The following PABPC1L variants were observed in gnomAD, a reference collection of about 807,000 sequenced individuals.
PABPC1L encodes polyadenylate-binding protein 1-like.
A neutral mutation model predicts 66.6 loss-of-function variants in PABPC1L; 31 were observed. The observed-to-expected ratio is 0.47, with a 90% CI of 0.35 to 0.63. The LOEUF (loss-of-function observed/expected upper bound fraction) is 0.63, where lower values mean the gene tolerates loss of function less well. Ranked by LOEUF, PABPC1L falls within the 20% of genes least tolerant of loss-of-function variation. PABPC1L has a pLI of 0.00. For missense variants in PABPC1L, 722 were observed against 848.8 expected, an observed-to-expected ratio of 0.85 and a Z score of 1.86; for synonymous variants, 348 against 335.1, an observed-to-expected ratio of 1.04 and a Z score of -0.42.
rs750674675 is a variant in PABPC1L at position 44,938,754 on chromosome 20, T to C, written c.*6+6T>C. On this transcript the variant is annotated splice_donor_region_variant and intron_variant, in intron 14 of 14. Coordinates refer to ENST00000217073, the MANE Select transcript of PABPC1L (RefSeq NM_001372179.1). ...CGTACATGCACTGAAACCAGGTGGG[T>C]GGAATGGTGACAGAAGCAGCTGAGC... is the stretch of plus-strand genomic sequence containing the variant. The C allele has an allele frequency of 6.2e-7, 1 of 1,608,372 alleles. No individual in the cohort carries two copies. The highest frequency in any genetic ancestry group is 8.5e-7 in the Non-Finnish European group (1 of 1,177,622).
chr20:44,935,909 A>G (rs1054329526), intron 11 of PABPC1L, among the ~76,000 whole-genome samples: 2 of 152,178 alleles, frequency 1.3e-5, no homozygotes, highest in Non-Finnish European at 2.9e-5. Flanking sequence ...GTAGAATTTC[A>G]ATGTGTCTCT....
chr20:44,924,399 C>A (rs535501266), intron 7 of PABPC1L, 143 bp downstream of exon 7: 3 of 624,660 alleles, frequency 4.8e-6, no homozygotes, highest in Non-Finnish European at 8.4e-6. Context: ...CTCTGCTGAC[C>A]CCGTTGGAGC....
chr20:44,928,864 C>CAAAAAAAAAAA (rs10597679), intron 7 of PABPC1L, among the ~76,000 whole-genome samples: 432 of 54,300 alleles, frequency 8.0e-3, no homozygotes, highest in East Asian at 9.3e-3. Context: ...GATCCTGACT[C>CAAAAAAAAAAA]AAAAAAAAAA....
chr20:44,933,444 T>TG (rs2066877361), intron 10 of PABPC1L, among the ~76,000 whole-genome samples: 1 of 151,828 alleles, frequency 6.6e-6, no homozygotes, highest in African/African-American at 2.4e-5. Context: ...AGAATTTAAA[T>TG]GTTTTTTTTT....
At chr20:44,921,810 C>A in intron 6 of PABPC1L, 79 bp downstream of exon 6, 8 of 1,584,986 alleles carry the variant, frequency 5.0e-6, no homozygotes, top group Non-Finnish European at 1.7e-6. Context: ...GTGACTGTTT[C>A]TTCTAGTGAT....
At chr20:44,928,383 A>G (rs1049522694) in intron 7 of PABPC1L, among the ~76,000 whole-genome samples, 1 of 152,186 alleles carries the variant, frequency 6.6e-6, no homozygotes, top group Non-Finnish European at 1.5e-5. Context: ...GAGATTAGCA[A>G]TAATTAATGT....
At chr20:44,918,272 G>A (rs1278817176) in intron 3 of PABPC1L, among the ~76,000 whole-genome samples, 2 of 152,198 alleles carry the variant, frequency 1.3e-5, no homozygotes, top group African/African-American at 2.4e-5. Context: ...GGAGCTTGCA[G>A]TGAGCTGAGA....
rs2066845794 is a variant in PABPC1L at position 44,930,676 on chromosome 20, C to T, written c.1189C>T (p.Leu397=). The part of the protein sequence containing the change: ...STMRTLSNPL[L]GSFQQPSSYF... ...CATGCGGACCCTGAGCAACCCCCTC[C>T]TGGGCTCCTTTCAGCAGCCCTCCAG... The change falls in exon 8 of 15, where the codon CTG becomes TTG. Residue 397 remains leucine, a synonymous_variant. Coordinates refer to ENST00000217073, the MANE Select transcript of PABPC1L (RefSeq NM_001372179.1). The T allele has an allele frequency of 6.2e-7, 1 of 1,614,064 alleles. No individual in the cohort carries two copies. Among genetic ancestry groups the T allele is most frequent in the Admixed American group, 1.7e-5 (1 of 60,008 alleles).
intron 14 of PABPC1L, 28 bp from the exon 15 acceptor site, chr20:44,939,098 A>G: frequency 1.4e-6 from 1 of 717,590 alleles, no homozygotes; most frequent in Non-Finnish European, 2.6e-6. Flanking sequence ...TACTTTAAAA[A>G]CACTTATTTT....
intron 7 of PABPC1L, among the ~76,000 whole-genome samples, chr20:44,929,085 C>T (rs957352854): frequency 5.9e-5 from 9 of 151,308 alleles, no homozygotes; most frequent in African/African-American, 2.2e-4. Context: ...ATAGTGATTG[C>T]TGATCTCTAC....
At chr20:44,936,605 T>A in intron 11 of PABPC1L, 32 bp from the exon 12 acceptor site, 1 of 1,518,904 alleles carries the variant, frequency 6.6e-7, no homozygotes, top group Non-Finnish European at 8.9e-7. Context: ...CTGTCCATGG[T>A]GATTAAGGGA....
rs1221545328 is a variant in PABPC1L, at chr20:44,933,074, G to A, written c.1348G>A (p.Ala450Thr). ...ACCACAAGCTGCCTACCCTCCAGGT[G>A]CCTCAATGGTCCGGCCACCAGTTGT... ...PRPSSAYPPG[A>T]SMVRPPVVPR... The change falls in exon 10 of 15, where the codon GCC becomes ACC. Residue 450 changes from alanine (A) to threonine (T), a missense_variant. Coordinates refer to ENST00000217073, the MANE Select transcript of PABPC1L (RefSeq NM_001372179.1). 1 of 1,591,344 alleles carries A rather than the reference G, an allele frequency of 6.3e-7. No individual in the cohort carries two copies. The highest frequency in any genetic ancestry group is 8.5e-7 in the Non-Finnish European group (1 of 1,169,712).
chr20:44,932,446 C>T lies in PABPC1L; in HGVS notation c.1330+14C>T. The T allele has an allele frequency of 6.2e-7, 1 of 1,602,458 alleles. No homozygotes were observed. The highest frequency in any genetic ancestry group is 1.1e-5 in the South Asian group (1 of 90,232). On this transcript the variant is annotated intron_variant, in intron 9 of 14. Coordinates refer to ENST00000217073, the MANE Select transcript of PABPC1L (RefSeq NM_001372179.1). ...CTAGACCTTCCTGTGAGTGACCCAG[C>T]CCCTTCCACTCTCAGACTGGCCTAT...
intron 3 of PABPC1L, among the ~76,000 whole-genome samples, chr20:44,918,208 C>T (rs1330809769): frequency 6.6e-6 from 1 of 152,124 alleles, no homozygotes. Context: ...TACCTGTAAT[C>T]CCAGCTACTT....
chr20:44,935,319 T>A (rs2066892809), intron 10 of PABPC1L, 72 bp from the exon 11 acceptor site: 12 of 1,108,790 alleles, frequency 1.1e-5, no homozygotes, highest in African/African-American at 1.6e-5. Context: ...GGTGTTGTTT[T>A]GTTTTGTTTT....
intron 7 of PABPC1L, 131 bp from the exon 8 acceptor site, chr20:44,930,329 A>G (rs2066842077): frequency 8.0e-7 from 1 of 1,256,798 alleles, no homozygotes; most frequent in Non-Finnish European, 1.1e-6. Flanking sequence ...GGTGCACGCT[A>G]CATCCCTCCA....
intron 7 of PABPC1L, among the ~76,000 whole-genome samples, chr20:44,927,723 C>T (rs1229466335): frequency 6.6e-6 from 1 of 152,106 alleles, no homozygotes; most frequent in Non-Finnish European, 1.5e-5. Context: ...CAGAGTCTCG[C>T]TCTATCACCC....
intron 5 of PABPC1L, among the ~76,000 whole-genome samples, chr20:44,920,339 A>G (rs939287219): frequency 2.0e-5 from 3 of 152,182 alleles, no homozygotes; most frequent in Admixed American, 2.0e-4. Flanking sequence ...CTGGCAACCA[A>G]TGATCTTTTT....
At position 44,939,244 on chromosome 20, in the gene PABPC1L, A is replaced by G. The variant is rs1421671553; in HGVS notation, c.*125A>G. On this transcript the variant is annotated 3_prime_UTR_variant, in exon 15 of 15. Coordinates refer to ENST00000217073, the MANE Select transcript of PABPC1L (RefSeq NM_001372179.1). ...GTCTGTATCTATACTTGGGCTCTGT[A>G]TGTGAATGAAGGTTGGTCACCCATC... 1 of 717,362 alleles carries G rather than the reference A, an allele frequency of 1.4e-6. No individual in the cohort carries two copies. Among genetic ancestry groups the G allele is most frequent in the Admixed American group, 2.0e-5 (1 of 50,006 alleles). The allele number at this position is 717,362 out of a possible 1,614,324, so 44.4% of individuals were successfully genotyped here.
Sources: allele counts gnomAD v4.1 joint callset (sites outside exome capture counted in the v4.1 genomes callset), GRCh38; gene constraint gnomAD v4.1.1; transcripts MANE v1.5; gene names NCBI Gene and HGNC (gene_info 2026-07-23, HGNC 2026-07-21).